The following DLG1 variants were observed in gnomAD, a reference collection of about 807,000 sequenced individuals.
The protein encoded by DLG1 is disks large homolog 1.
A neutral mutation model predicts 123.4 loss-of-function variants in DLG1; 42 were observed. The observed-to-expected ratio is 0.34, with a 90% CI of 0.27 to 0.44. The LOEUF (loss-of-function observed/expected upper bound fraction) is 0.44, where lower values mean the gene tolerates loss of function less well. Among genes scored for constraint, DLG1 ranks in the 20% least tolerant of loss-of-function variants. The pLI is 1.00. For synonymous variants in DLG1, 317 were observed against 356.2 expected (o/e 0.89, Z 1.24); for missense variants, 942 against 1,082.6 (o/e 0.87, Z 1.82).
Position 197,296,410 on chromosome 3 carries a change from C to G in DLG1, c.87G>C (p.Gln29His), listed in dbSNP as rs745616960. 5.6e-6 allele frequency: 9 copies of G among 1,613,052 alleles called. No homozygotes were observed. The Admixed American group carries it at 1.5e-4, about 27-fold the overall frequency. ...TAACCCGTTCTATGGAACTTCTGAG[C>G]TGTCTGTCTTCAGTTTGGCTTAGTT... The part of the protein sequence containing the change: ...RSKLSQTEDR[Q>H]LRSSIERVIN... The change falls in exon 3 of 25, where the codon CAG becomes CAC. Residue 29 changes from glutamine to histidine, a missense_variant. Coordinates refer to ENST00000667157, the MANE Select transcript of DLG1 (RefSeq NM_001366207.1).
chr3:197,238,391 T>C (rs945361006), intron 4 of DLG1, among the ~76,000 whole-genome samples: 5 of 151,934 alleles, frequency 3.3e-5, no homozygotes, highest in African/African-American at 1.2e-4. Flanking sequence ...CAATTACAAA[T>C]ATACATGAAA....
At chr3:197,095,950 T>C (rs1353097957) in intron 14 of DLG1, among the ~76,000 whole-genome samples, 1 of 152,206 alleles carries the variant, frequency 6.6e-6, no homozygotes, top group Non-Finnish European at 1.5e-5. Context: ...AAGGATATTA[T>C]AGAACAATCT....
chr3:197,223,347 T>C (rs1161019514), intron 4 of DLG1, among the ~76,000 whole-genome samples: 2 of 152,216 alleles, frequency 1.3e-5, no homozygotes, highest in East Asian at 1.9e-4. Context: ...CAAGATTCTA[T>C]AGTAAACATA....
chr3:197,094,194 C>T (rs1022342852), intron 14 of DLG1, among the ~76,000 whole-genome samples: 8 of 152,178 alleles, frequency 5.3e-5, no homozygotes, highest in Admixed American at 4.6e-4. Context: ...ACTAAGTGAC[C>T]TCAGTTGATG....
chr3:197,111,243 T>C (rs1010732766), intron 13 of DLG1, among the ~76,000 whole-genome samples: 17 of 152,082 alleles, frequency 1.1e-4, no homozygotes, highest in Admixed American at 3.3e-4. Context: ...GACCAAAGGG[T>C]TTCCAGACAT....
chr3:197,110,751 T>TATTA (rs1330917842), intron 13 of DLG1, among the ~76,000 whole-genome samples: 2 of 152,220 alleles, frequency 1.3e-5, no homozygotes, highest in Admixed American at 1.3e-4. Context: ...GTTAGCTTAG[T>TATTA]GGTTAATGAC....
chr3:197,144,058 T>G (rs1789436386), intron 6 of DLG1, among the ~76,000 whole-genome samples: 1 of 152,216 alleles, frequency 6.6e-6, no homozygotes, highest in African/African-American at 2.4e-5. Flanking sequence ...TAAATTCTAC[T>G]TCTGAAGATG....
intron 3 of DLG1, among the ~76,000 whole-genome samples, chr3:197,290,439 A>G (rs1361049153): frequency 6.6e-6 from 1 of 152,162 alleles, no homozygotes; most frequent in East Asian, 1.9e-4. Context: ...AACAATGACT[A>G]TAGGATACAG....
chr3:197,153,191 T>G (rs188026126), intron 5 of DLG1, among the ~76,000 whole-genome samples: 1 of 152,216 alleles, frequency 6.6e-6, no homozygotes, highest in Non-Finnish European at 1.5e-5. Flanking sequence ...TTAAATGCTA[T>G]GACTGAGGTG....
chr3:197,194,367 A>G (rs1721309573), intron 5 of DLG1, 58 bp downstream of exon 5: 4 of 1,176,778 alleles, frequency 3.4e-6, no homozygotes, highest in East Asian at 2.8e-5. Flanking sequence ...AGCATGAGCT[A>G]TATGTATAAC....
intron 13 of DLG1, among the ~76,000 whole-genome samples, chr3:197,111,713 C>A (rs1770120010): frequency 6.6e-6 from 1 of 152,238 alleles, no homozygotes; most frequent in African/African-American, 2.4e-5. Flanking sequence ...CTGGCAACCA[C>A]TTTCTGACTT....
intron 4 of DLG1, among the ~76,000 whole-genome samples, chr3:197,272,785 A>G (rs1579122419): frequency 6.6e-6 from 1 of 152,352 alleles, no homozygotes; most frequent in East Asian, 1.9e-4. Context: ...AAAAGAACGC[A>G]AAACTAATCT....
At chr3:197,115,884 C>T (rs1256827709) in intron 13 of DLG1, 43 bp downstream of exon 13, 7 of 1,587,882 alleles carry the variant, frequency 4.4e-6, no homozygotes, top group Non-Finnish European at 6.0e-6. Context: ...AAAATAGGTC[C>T]AGTGAAAATA....
chr3:197,228,654 T>C (rs1036708752), intron 4 of DLG1, among the ~76,000 whole-genome samples: 3 of 152,216 alleles, frequency 2.0e-5, no homozygotes, highest in Non-Finnish European at 4.4e-5. Flanking sequence ...ATGACTAATT[T>C]TGACTATTTT....
chr3:197,149,093 T>A (rs867369464), intron 6 of DLG1, among the ~76,000 whole-genome samples: 1 of 152,232 alleles, frequency 6.6e-6, no homozygotes, highest in African/African-American at 2.4e-5. Flanking sequence ...TTTTAAAGTA[T>A]GCAATTCAGT....
At chr3:197,268,624 G>A (rs1762674540) in intron 4 of DLG1, among the ~76,000 whole-genome samples, 1 of 151,530 alleles carries the variant, frequency 6.6e-6, no homozygotes, top group African/African-American at 2.4e-5. Context: ...TCCCTATGCT[G>A]CCCAGGCTGA....
intron 2 of DLG1, among the ~76,000 whole-genome samples, 154 bp from the exon 3 acceptor site, chr3:197,296,631 T>C (rs1301438500): frequency 6.6e-6 from 1 of 151,648 alleles, no homozygotes; most frequent in Non-Finnish European, 1.5e-5. Context: ...TTCCTTAGAA[T>C]GACCAAAAAA....
At chr3:197,168,443 T>A (rs139691952) in intron 5 of DLG1, among the ~76,000 whole-genome samples, 1 of 152,166 alleles carries the variant, frequency 6.6e-6, no homozygotes, top group Non-Finnish European at 1.5e-5. Context: ...AATAATCAAA[T>A]GAAGGCTGAC....
intron 18 of DLG1, 42 bp from the exon 19 acceptor site, chr3:197,069,302 G>A (rs376243136): frequency 7.0e-7 from 1 of 1,420,388 alleles, no homozygotes; most frequent in Non-Finnish European, 9.7e-7. Flanking sequence ...ACAGTGTCAT[G>A]AGTTTAAAAA....
Sources: gnomAD v4.1 joint callset for allele counts (sites outside exome capture counted in the v4.1 genomes callset) on GRCh38, gnomAD v4.1.1 for gene constraint, MANE v1.5 for transcripts, NCBI Gene and HGNC (gene_info 2026-07-23, HGNC 2026-07-21) for gene names.